XPO5: variants seen among roughly 807,000 people sequenced by gnomAD.
The protein encoded by XPO5 is exportin-5.
In XPO5, 46 loss-of-function variants were observed where a neutral mutation model predicts 160.6. That is an observed-to-expected ratio of 0.29 (90% confidence interval 0.23 to 0.37). The LOEUF (loss-of-function observed/expected upper bound fraction) is 0.37. Among genes scored for constraint, XPO5 ranks in the 10% least tolerant of loss-of-function variants. XPO5 has a pLI of 1.00. For missense variants in XPO5, 1,090 were observed against 1,463.9 expected (o/e 0.74, Z 4.17); for synonymous variants, 537 against 519.3 (o/e 1.03, Z -0.46).
chr6:43,568,763 GT>G, intron 5 of XPO5, 26 bp from the exon 6 acceptor site: 1 of 1,557,894 alleles, frequency 6.4e-7, no homozygotes, highest in Non-Finnish European at 8.7e-7. Flanking sequence ...AAGATCCAGT[GT>G]TTTTAATGAG....
chr6:43,553,526 TACAC>T (rs111634867), intron 13 of XPO5, 23 bp from the exon 14 acceptor site: 598 of 1,443,118 alleles, frequency 4.1e-4, no homozygotes, highest in East Asian at 1.5e-3. Context: ...CACACACACA[TACAC>T]ACACACACAC....
In XPO5 at chr6:43,558,545, C is replaced by T. The variant is rs1022414202; in HGVS notation, c.1268G>A (p.Arg423Gln). The T allele has an allele frequency of 5.0e-6, 8 of 1,603,820 alleles. No homozygotes were observed. Among genetic ancestry groups the T allele is most frequent in the African/African-American group, 2.7e-5 (2 of 74,730 alleles). The change falls in exon 12 of 32, where the codon CGG (arginine) becomes CAG (glutamine). Residue 423 changes from arginine to glutamine, a missense_variant. Physicochemically the swap from Arg to Gln is conservative, Grantham distance 43 (BLOSUM62 1). Around this residue, in one of 3 missense-constraint regions of XPO5, gnomAD observed 810 missense variants for 1,139.0 expected, o/e 0.71. Coordinates refer to ENST00000265351, the MANE Select transcript of XPO5 (RefSeq NM_020750.3). ...KTDSPSCEYS[R>Q]FDFDSDEDFN... The stretch of plus-strand genomic sequence containing the variant: ...GTCCTCATCGCTATCAAAATCAAAC[C>T]GAGAATATTCACAGCTAGGGCTGTC...
At chr6:43,569,062 G>C (rs1035852396) in intron 5 of XPO5, among the ~76,000 whole-genome samples, 1 of 152,132 alleles carries the variant, frequency 6.6e-6, no homozygotes, top group Non-Finnish European at 1.5e-5. Context: ...GGAGGCCAAG[G>C]CAGGTGGATC....
intron 28 of XPO5, 131 bp downstream of exon 28, chr6:43,525,708 T>G (rs1255302781): frequency 1.0e-6 from 1 of 992,920 alleles, no homozygotes; most frequent in African/African-American, 1.6e-5. Flanking sequence ...TTCTGGGGCC[T>G]TTGGAACCAG....
intron 16 of XPO5, 51 bp downstream of exon 16, chr6:43,549,842 T>C (rs1010173392): frequency 2.0e-6 from 3 of 1,533,674 alleles, no homozygotes; most frequent in South Asian, 1.2e-5. Context: ...CAGGTATTCA[T>C]ACATTTGTAC....
intron 14 of XPO5, 55 bp from the exon 15 acceptor site, chr6:43,551,508 C>T (rs1339337373): frequency 1.9e-6 from 3 of 1,589,662 alleles, no homozygotes; most frequent in Non-Finnish European, 2.6e-6. Context: ...TAGAAATAAC[C>T]ATTTTGGCTA....
chr6:43,532,535 C>T (rs1054046371), intron 21 of XPO5, among the ~76,000 whole-genome samples: 1 of 152,230 alleles, frequency 6.6e-6, no homozygotes, highest in Non-Finnish European at 1.5e-5. Flanking sequence ...GTGCTCCAGC[C>T]ACATGATTCA....
At chr6:43,538,743 A>G (rs150722353) in intron 20 of XPO5, 137 of 532,782 alleles carry the variant, frequency 2.6e-4, no homozygotes, top group Middle Eastern at 4.9e-4. Context: ...TAAGCCTCAT[A>G]AAATGAGTTA....
Position 43,549,886 on chromosome 6 carries a change from G to A in XPO5, c.1770+7C>T. 1 of 1,608,456 alleles carries A rather than the reference G, an allele frequency of 6.2e-7. No individual in the cohort carries two copies. The highest frequency in any genetic ancestry group is 8.5e-7 in the Non-Finnish European group (1 of 1,176,838). ...TTAGAATCTATTGGTTTAATTAATG[G>A]TCTTACCTTACTTTCTTCAACAGTT... On this transcript the variant is annotated splice_region_variant and intron_variant, in intron 16 of 31. Coordinates refer to ENST00000265351, the MANE Select transcript of XPO5 (RefSeq NM_020750.3).
chr6:43,564,516 C>T (rs1762590073), intron 8 of XPO5, among the ~76,000 whole-genome samples: 3 of 150,534 alleles, frequency 2.0e-5, no homozygotes, highest in South Asian at 4.2e-4. Flanking sequence ...GCAATAAGAG[C>T]GAAACTCCAT....
chr6:43,530,889 C>T (rs552285767), intron 22 of XPO5, 65 bp from the exon 23 acceptor site: 2 of 1,525,060 alleles, frequency 1.3e-6, no homozygotes, highest in African/African-American at 2.8e-5. Flanking sequence ...CCAGCCCTGT[C>T]CCATGAATTT....
chr6:43,552,255 G>C (rs182273147), intron 14 of XPO5, among the ~76,000 whole-genome samples: 1 of 151,436 alleles, frequency 6.6e-6, no homozygotes, highest in Non-Finnish European at 1.5e-5. Context: ...ACAGGGTTTC[G>C]CCATGTTGAC....
At chr6:43,572,265 TG>T (rs1001370024) in intron 3 of XPO5, among the ~76,000 whole-genome samples, 7 of 152,176 alleles carry the variant, frequency 4.6e-5, no homozygotes, top group African/African-American at 1.4e-4. Context: ...TTGGTAGAGA[TG>T]GGGTCTCACT....
intron 18 of XPO5, 111 bp downstream of exon 18, chr6:43,548,150 T>C (rs963164013): frequency 9.4e-7 from 1 of 1,068,350 alleles, no homozygotes; most frequent in Admixed American, 2.5e-5. Context: ...ATATCATGGA[T>C]AATGCCATCA....
intron 20 of XPO5, among the ~76,000 whole-genome samples, chr6:43,536,675 G>A (rs9472072): frequency 0.019 from 2,727 of 141,524 alleles, 102 homozygotes; most frequent in African/African-American, 0.067. Context: ...TAGGAGAATC[G>A]CTTGAACCCG....
rs948335041 is a variant in XPO5 at position 43,524,947 on chromosome 6, C to T, written c.3196G>A (p.Ala1066Thr). 17 of 1,613,480 alleles carry T rather than the reference C, an allele frequency of 1.1e-5. No individual in the cohort carries two copies. The highest frequency in any genetic ancestry group is 1.7e-5 in the Admixed American group (1 of 59,980). Reference sequence around the variant, plus strand: ...GTGAAAAGCCACGTAACTGCATCTGCGAGCAGTGTCCCTGACAGCACCTGG... The same window carrying T: ...GTGAAAAGCCACGTAACTGCATCTGTGAGCAGTGTCCCTGACAGCACCTGG... The part of the protein sequence containing the change: ...LKQVLSGTLL[A>T]DAVTWLFTSV... The change falls in exon 30 of 32, where the codon GCA (alanine) becomes ACA (threonine). Residue 1066 changes from alanine (A) to threonine (T), a missense_variant. Around this residue, in one of 3 missense-constraint regions of XPO5, gnomAD observed 810 missense variants for 1,139.0 expected, o/e 0.71. Transcript: ENST00000265351.
chr6:43,539,319 C>T (rs919533148), intron 20 of XPO5: 2 of 1,570,002 alleles, frequency 1.3e-6, no homozygotes, highest in African/African-American at 2.7e-5. Context: ...TCCCCGATAG[C>T]AACAAACGCC....
chr6:43,566,549 C>A, intron 7 of XPO5: 1 of 302,562 alleles, frequency 3.3e-6, no homozygotes, highest in Non-Finnish European at 7.2e-6. Context: ...TGGCTCACGC[C>A]TGTAATCCCA....
intron 3 of XPO5, among the ~76,000 whole-genome samples, chr6:43,572,023 A>G (rs979330327): frequency 1.3e-5 from 2 of 152,330 alleles, no homozygotes; most frequent in Middle Eastern, 3.4e-3. Flanking sequence ...GTCAATACAT[A>G]AGCATGATTA....
Sources: gnomAD v4.1 joint callset for allele counts (sites outside exome capture counted in the v4.1 genomes callset) on GRCh38, gnomAD v4.1.1 for gene constraint, gnomAD v4.1.1 regional missense constraint, MANE v1.5 for transcripts, NCBI Gene and HGNC (gene_info 2026-07-23, HGNC 2026-07-21) for gene names.